The following NSD1 variants were observed in gnomAD, a reference collection of about 807,000 sequenced individuals.
NSD1 encodes histone-lysine N-methyltransferase, H3 lysine-36 specific.
NSD1 carries 26 observed loss-of-function variants against 242.7 expected under a neutral mutation model. The ratio of observed to expected loss-of-function variants is 0.11; its 90% CI spans 0.08 to 0.15. The LOEUF (loss-of-function observed/expected upper bound fraction) is 0.15, where lower values mean the gene tolerates loss of function less well. Ranked by LOEUF, NSD1 falls within the 10% of genes least tolerant of loss-of-function variation. The pLI, the probability that NSD1 is intolerant of heterozygous loss-of-function variation, is 1.00. For missense variants in NSD1, 2,495 were observed against 3,272.8 expected, an observed-to-expected ratio of 0.76 and a Z score of 5.80; for synonymous variants, 1,106 against 1,178.1, an observed-to-expected ratio of 0.94 and a Z score of 1.25.
rs1317480474 is a variant in NSD1 at position 177,298,986 on chromosome 5, C to G, written c.*3527C>G. 4.3e-6 allele frequency: 1 copy of G among 233,062 alleles called. No individual in the cohort carries two copies. The highest frequency in any genetic ancestry group is 8.5e-6 in the Non-Finnish European group (1 of 118,006). The allele number at this position is 233,062 out of a possible 1,614,324, so 14.4% of individuals were successfully genotyped here. A position where few individuals can be genotyped will look rare whatever the true frequency, so the allele number is the denominator to read the frequency against. Reference sequence around the variant, plus strand: ...GGCAGAGAAGGAGCTGCCTCCAGCCCCTTTCTTGCTGAGTTTCATTTGAGC... The same window carrying G: ...GGCAGAGAAGGAGCTGCCTCCAGCCGCTTTCTTGCTGAGTTTCATTTGAGC... On this transcript the variant is annotated 3_prime_UTR_variant, in exon 23 of 23. Coordinates refer to ENST00000439151, the MANE Select transcript of NSD1 (RefSeq NM_022455.5).
chr5:177,185,730 TATATATTTTATATATTATATATA>T (rs1405296131), intron 2 of NSD1, among the ~76,000 whole-genome samples: 1 of 106,270 alleles, frequency 9.4e-6, no homozygotes, highest in Non-Finnish European at 1.7e-5. Flanking sequence ...TTATATATTA[TATATATTTTATATATTATATATA>T]ATATATTTTA....
chr5:177,158,821 C>CAAATAAAAAAAAAAAAA (rs1758419150), intron 2 of NSD1, among the ~76,000 whole-genome samples: 1 of 80,336 alleles, frequency 1.2e-5, no homozygotes, highest in Non-Finnish European at 2.4e-5. Context: ...GACTTCATCT[C>CAAATAAAAAAAAAAAAA]AAAAAAAAAA....
chr5:177,151,570 G>A (rs372007921), intron 2 of NSD1, among the ~76,000 whole-genome samples: 6 of 151,542 alleles, frequency 4.0e-5, no homozygotes, highest in African/African-American at 1.5e-4. Flanking sequence ...TGTATTTTTA[G>A]TAGAGATGGG....
At chr5:177,259,953 T>TG (rs1270283310) in intron 13 of NSD1, 36 bp from the exon 14 acceptor site, 4 of 1,612,720 alleles carry the variant, frequency 2.5e-6, no homozygotes, top group Non-Finnish European at 3.4e-6. Context: ...AATATTTTTG[T>TG]TTTTCTTTTG....
intron 2 of NSD1, among the ~76,000 whole-genome samples, chr5:177,158,948 A>T (rs140815084): frequency 6.9e-6 from 1 of 144,408 alleles, no homozygotes; most frequent in East Asian, 2.0e-4. Context: ...GTATATATAC[A>T]CACATATATA....
intron 5 of NSD1, among the ~76,000 whole-genome samples, chr5:177,216,678 T>G (rs538368355): frequency 9.9e-5 from 15 of 151,456 alleles, no homozygotes; most frequent in East Asian, 1.9e-4. Flanking sequence ...CTGTTTTTTT[T>G]TTTTTTTTTT....
rs749597751 is a variant in NSD1, at chr5:177,135,883, A to G, written c.780A>G (p.Leu260=). ...KAALLPAPFS[L]GDTNITIEEQ... Reference sequence around the variant, plus strand: ...CCCTTCTCCCAGCCCCCTTTTCACTAGGAGACACAAACATTACAATAGAAG... The same window carrying G: ...CCCTTCTCCCAGCCCCCTTTTCACTGGGAGACACAAACATTACAATAGAAG... Residue 260 remains leucine, a synonymous_variant, in exon 2 of 23, where the codon CTA becomes CTG. Transcript: ENST00000439151. 6.2e-7 allele frequency: 1 copy of G among 1,608,894 alleles called. No homozygotes were observed. Among genetic ancestry groups the G allele is most frequent in the South Asian group, 1.1e-5 (1 of 90,796 alleles).
chr5:177,224,898 A>G (rs1314346064), intron 5 of NSD1, among the ~76,000 whole-genome samples: 1 of 151,698 alleles, frequency 6.6e-6, no homozygotes, highest in Admixed American at 6.6e-5. Context: ...TTTTGTGTCT[A>G]TTGAGAAGAC....
Position 177,134,431 on chromosome 5 carries a change from A to G in NSD1, c.-18+479A>G, listed in dbSNP as rs1391475416. ...TTTTCGAGCTGTAGCAGCTGCTGCTACCCTGACTGGGCTTCGCTGGCCGCC... is the reference window on the plus strand; with the variant it reads ...TTTTCGAGCTGTAGCAGCTGCTGCTGCCCTGACTGGGCTTCGCTGGCCGCC... On this transcript the variant is annotated intron_variant, in intron 1 of 22. Coordinates refer to ENST00000439151, the MANE Select transcript of NSD1 (RefSeq NM_022455.5). The surrounding 1 kb of genome is among the most constrained non-coding windows in gnomAD (Gnocchi z 4.2). Among the ~76,000 whole-genome samples, 1 of 152,076 alleles carries G rather than the reference A, an allele frequency of 6.6e-6. No individual in the cohort carries two copies. The highest frequency in any genetic ancestry group is 1.5e-5 in the Non-Finnish European group (1 of 67,986).
In NSD1 at chr5:177,293,712, T is replaced by C. The variant is rs1160453139; in HGVS notation, c.6464-120T>C. ...TGGCTGGTGAGTGGCATAAGCTCTC[T>C]GAAGCAGGGACAGTGTGAAGGAAGG... On this transcript the variant is annotated intron_variant, in intron 22 of 22. Coordinates refer to ENST00000439151, the MANE Select transcript of NSD1 (RefSeq NM_022455.5). 3.6e-6 allele frequency: 4 copies of C among 1,110,978 alleles called. No individual in the cohort carries two copies. The African/African-American group carries it at 6.1e-5, about 17-fold the overall frequency. 68.8% of individuals were successfully genotyped at this position (1,110,978 alleles called of 1,614,324 possible).
Position 177,296,246 on chromosome 5 carries a change from A to C in NSD1, c.*787A>C, listed in dbSNP as rs1581570257. On this transcript the variant is annotated 3_prime_UTR_variant, in exon 23 of 23. Transcript: ENST00000439151. ...TTTTGTCTGGGCTGTGCAGAGTCTC[A>C]AGATCAGTCCTTGGAGGAGCAGGTG... 8 of 234,492 alleles carry C rather than the reference A, an allele frequency of 3.4e-5. No homozygotes were observed. The East Asian group carries it at 4.2e-4, about 12-fold the overall frequency. 14.5% of individuals were successfully genotyped at this position (234,492 alleles called of 1,614,324 possible).
intron 5 of NSD1, among the ~76,000 whole-genome samples, chr5:177,230,933 G>T (rs941319578): frequency 6.6e-6 from 1 of 152,086 alleles, no homozygotes; most frequent in African/African-American, 2.4e-5. Flanking sequence ...GTGTGAGGGG[G>T]TTAGTGATGG....
chr5:177,215,883 T>C (rs1213472912), intron 5 of NSD1, among the ~76,000 whole-genome samples: 1 of 152,140 alleles, frequency 6.6e-6, no homozygotes, highest in African/African-American at 2.4e-5. Context: ...TTTTTAATGA[T>C]ACTGGGCCTC....
chr5:177,270,692 G>A (rs1757879005), intron 16 of NSD1, among the ~76,000 whole-genome samples: 1 of 152,170 alleles, frequency 6.6e-6, no homozygotes, highest in Non-Finnish European at 1.5e-5. Flanking sequence ...TGTCTATAGG[G>A]TGAGATGAAA....
At chr5:177,147,777 A>G (rs1163672620) in intron 2 of NSD1, among the ~76,000 whole-genome samples, 1 of 151,894 alleles carries the variant, frequency 6.6e-6, no homozygotes, top group Non-Finnish European at 1.5e-5. Context: ...TTTAGTAGAG[A>G]TGGGGTTTCA....
intron 9 of NSD1, among the ~76,000 whole-genome samples, chr5:177,244,555 G>C (rs980666292): frequency 6.6e-6 from 1 of 152,162 alleles, no homozygotes; most frequent in Non-Finnish European, 1.5e-5. Context: ...ATGTGAAGAT[G>C]AACAAGGTAG....
At position 177,269,877 on chromosome 5, in the gene NSD1, A is replaced by T; in HGVS notation, c.5509+70A>T. The T allele has an allele frequency of 7.5e-7, 1 of 1,338,602 alleles. No individual in the cohort carries two copies. Among genetic ancestry groups the T allele is most frequent in the Non-Finnish European group, 1.0e-6 (1 of 959,518 alleles). The allele number at this position is 1,338,602 out of a possible 1,614,324, so 82.9% of individuals were successfully genotyped here. ...TACCTGAGTGTCTGATCTGTTTTAG[A>T]ATTCACATATGCTCCATTTTGAAAC... On this transcript the variant is annotated intron_variant, in intron 16 of 22. Coordinates refer to ENST00000439151, the MANE Select transcript of NSD1 (RefSeq NM_022455.5). This position sits in a 1 kb window ranked among gnomAD's most constrained non-coding sequence, Gnocchi z 5.1.
intron 5 of NSD1, among the ~76,000 whole-genome samples, chr5:177,222,107 G>A (rs981837901): frequency 7.3e-5 from 11 of 151,236 alleles, no homozygotes; most frequent in South Asian, 2.1e-4. Context: ...CATCGCACCC[G>A]GCCCCCACTT....
chr5:177,272,581 A>C (rs1421495572), intron 16 of NSD1, among the ~76,000 whole-genome samples: 1 of 152,196 alleles, frequency 6.6e-6, no homozygotes, highest in South Asian at 2.1e-4. Context: ...CAGATACTGC[A>C]ATCTTTTAAA....
Sources: allele counts gnomAD v4.1 joint callset (sites outside exome capture counted in the v4.1 genomes callset), GRCh38; gene constraint gnomAD v4.1.1; non-coding constraint Gnocchi (gnomAD v3.1); transcripts MANE v1.5; gene names NCBI Gene and HGNC (gene_info 2026-07-23, HGNC 2026-07-21).